Variants in L3MBTL4 observed in about 807,000 individuals in gnomAD.
The protein encoded by L3MBTL4 is lethal(3)malignant brain tumor-like protein 4.
A neutral mutation model predicts 84.5 loss-of-function variants in L3MBTL4; 70 were observed. That is an observed-to-expected ratio of 0.83 (90% CI 0.68 to 1.01). The LOEUF is 1.01. L3MBTL4 is among the 50% of genes least tolerant of loss of function. The pLI is 0.00. For synonymous variants in L3MBTL4, 274 were observed against 259.8 expected (o/e 1.05, Z -0.52); for missense variants, 715 against 754.8 (o/e 0.95, Z 0.62).
intron 1 of L3MBTL4, among the ~76,000 whole-genome samples, chr18:6,326,955 T>C (rs2051754461): frequency 6.6e-6 from 1 of 152,142 alleles, no homozygotes; most frequent in Non-Finnish European, 1.5e-5. Flanking sequence ...CTTTCAGTTA[T>C]GCACAGGGGA....
intron 4 of L3MBTL4, among the ~76,000 whole-genome samples, chr18:6,287,985 G>C (rs1247486838): frequency 1.3e-5 from 2 of 152,208 alleles, no homozygotes; most frequent in Admixed American, 1.3e-4. Flanking sequence ...CAAGGCTACA[G>C]TGAGCTGTAG....
chr18:6,029,008 C>T (rs1357977032), intron 16 of L3MBTL4, among the ~76,000 whole-genome samples: 1 of 152,108 alleles, frequency 6.6e-6, no homozygotes, highest in Non-Finnish European at 1.5e-5. Context: ...ACTGCTGTGA[C>T]TTATTTTGCT....
intron 4 of L3MBTL4, among the ~76,000 whole-genome samples, chr18:6,300,660 T>A (rs2050299739): frequency 6.6e-6 from 1 of 152,228 alleles, no homozygotes; most frequent in South Asian, 2.1e-4. Flanking sequence ...AGTCTGCTTT[T>A]CTTTTTCTAG....
Position 6,414,881 on chromosome 18 carries a change from C to G in L3MBTL4, c.-171G>C, listed in dbSNP as rs1458859337. 7 of 149,804 alleles carry G rather than the reference C, an allele frequency of 4.7e-5. No individual in the cohort carries two copies. In the South Asian group the frequency reaches 8.3e-4, roughly 18 times the overall value. 9.3% of individuals were successfully genotyped at this position (149,804 alleles called of 1,614,324 possible). A position where few individuals can be genotyped will look rare whatever the true frequency, so the allele number is the denominator to read the frequency against. The stretch of plus-strand genomic sequence containing the variant: ...GTCGGAGCGCGAGGTTCCGCCAGCC[C>G]AGGCTGCGGCGCCGCTGCCCCGCGG... On this transcript the variant is annotated 5_prime_UTR_variant, in exon 1 of 19. Transcript: ENST00000317931. The surrounding 1 kb of genome is among the most constrained non-coding windows in gnomAD (Gnocchi z 5.4).
chr18:6,225,507 C>A (rs2046742986), intron 10 of L3MBTL4, among the ~76,000 whole-genome samples: 1 of 152,138 alleles, frequency 6.6e-6, no homozygotes, highest in South Asian at 2.1e-4. Flanking sequence ...CACCTATAAT[C>A]CCAGCACTTT....
Position 5,990,626 on chromosome 18 carries a change from G to A in L3MBTL4, c.1445-21064C>T, listed in dbSNP as rs368853466. Among the ~76,000 whole-genome samples the A allele has an allele frequency of 3.5e-4, 53 of 152,276 alleles. 1 individual carries two copies. The South Asian group carries it at 9.5e-3, about 27-fold the overall frequency. On this transcript the variant is annotated intron_variant, in intron 16 of 18. Transcript: ENST00000317931. ...ATCAATATTAATTTTGCTTATGTGC[G>A]TGGATAGTAATTGAGTCCCATGTTT...
At chr18:6,014,244 C>G (rs371186314) in intron 16 of L3MBTL4, among the ~76,000 whole-genome samples, 1 of 152,182 alleles carries the variant, frequency 6.6e-6, no homozygotes, top group Non-Finnish European at 1.5e-5. Context: ...TGGCACTTCT[C>G]TACCGTCTCT....
At chr18:5,977,535 C>G (rs987587452) in intron 16 of L3MBTL4, among the ~76,000 whole-genome samples, 2 of 152,200 alleles carry the variant, frequency 1.3e-5, no homozygotes, top group African/African-American at 4.8e-5. Flanking sequence ...AACACAGTAG[C>G]ATCCTGAGGG....
chr18:6,194,302 A>G (rs1267845833), intron 12 of L3MBTL4, among the ~76,000 whole-genome samples: 1 of 151,474 alleles, frequency 6.6e-6, no homozygotes, highest in Non-Finnish European at 1.5e-5. Context: ...GAATGAGCCC[A>G]CTCTCCCACA....
chr18:6,165,948 G>A lies in L3MBTL4; in HGVS notation c.1096+5880C>T, dbSNP rs184121579. 9.7e-3 allele frequency among the ~76,000 whole-genome samples: 1,479 copies of A among 152,168 alleles called. 7 individuals carry two copies. Among genetic ancestry groups the A allele is most frequent in the Middle Eastern group, 0.051 (15 of 292 alleles). ...ATTCAGGAAACCCATCTCACGTGCA[G>A]AGACACACATAGGCTCAAAATAAAG... On this transcript the variant is annotated intron_variant, in intron 13 of 18. Coordinates refer to ENST00000317931, the MANE Select transcript of L3MBTL4 (RefSeq NM_001330559.2).
chr18:6,198,407 A>G (rs1026155560), intron 12 of L3MBTL4, among the ~76,000 whole-genome samples: 2 of 152,202 alleles, frequency 1.3e-5, no homozygotes, highest in Non-Finnish European at 2.9e-5. Context: ...TACTTCATTT[A>G]TCCTAATTTT....
intron 4 of L3MBTL4, among the ~76,000 whole-genome samples, chr18:6,292,112 T>G (rs2049893039): frequency 6.6e-6 from 1 of 152,220 alleles, no homozygotes; most frequent in Non-Finnish European, 1.5e-5. Context: ...TCTATTAAAT[T>G]ATCACATGTG....
intron 3 of L3MBTL4, among the ~76,000 whole-genome samples, chr18:6,302,719 T>C (rs2050396777): frequency 6.6e-6 from 1 of 152,206 alleles, no homozygotes; most frequent in Admixed American, 6.5e-5. Context: ...CCACAGTGGC[T>C]CACACCTGTA....
intron 16 of L3MBTL4, among the ~76,000 whole-genome samples, chr18:6,055,817 G>T (rs2057001874): frequency 6.6e-6 from 1 of 152,128 alleles, no homozygotes; most frequent in South Asian, 2.1e-4. Context: ...CCCAGGGAAG[G>T]ATCCTTCCAC....
chr18:6,363,650 G>C (rs1486386068), intron 1 of L3MBTL4, among the ~76,000 whole-genome samples: 1 of 149,454 alleles, frequency 6.7e-6, no homozygotes. Flanking sequence ...GTAATTCCAA[G>C]AAGAAACGAC....
chr18:6,269,482 A>G (rs1253960432), intron 4 of L3MBTL4, among the ~76,000 whole-genome samples: 1 of 152,110 alleles, frequency 6.6e-6, no homozygotes, highest in African/African-American at 2.4e-5. Context: ...AAAACAAACA[A>G]AAAACTTTTG....
chr18:6,202,275 T>C (rs1184736895), intron 12 of L3MBTL4, among the ~76,000 whole-genome samples: 1 of 152,130 alleles, frequency 6.6e-6, no homozygotes, highest in Non-Finnish European at 1.5e-5. Flanking sequence ...CAAACTCTGT[T>C]AAATTTGTTT....
chr18:6,093,970 T>C (rs2058546930), intron 14 of L3MBTL4, among the ~76,000 whole-genome samples: 3 of 152,230 alleles, frequency 2.0e-5, no homozygotes, highest in Admixed American at 6.5e-5. Flanking sequence ...AATATTCATG[T>C]ATGCAGAAAC....
rs567516662 is a variant in L3MBTL4, at chr18:6,130,047, C to T, written c.1199+8147G>A. The stretch of plus-strand genomic sequence containing the variant: ...GTACTTCCCAAAACATGATATTATA[C>T]TCTTTAGTGAATAAAGACTATGTCT... On this transcript the variant is annotated intron_variant, in intron 14 of 18. Transcript: ENST00000317931. 2.0e-5 allele frequency among the ~76,000 whole-genome samples: 3 copies of T among 152,228 alleles called. No individual in the cohort carries two copies. In the South Asian group the frequency reaches 6.2e-4, roughly 32 times the overall value.
Sources: allele counts gnomAD v4.1 joint callset (sites outside exome capture counted in the v4.1 genomes callset), GRCh38; gene constraint gnomAD v4.1.1; non-coding constraint Gnocchi (gnomAD v3.1); transcripts MANE v1.5; gene names NCBI Gene and HGNC (gene_info 2026-07-23, HGNC 2026-07-21).